Variants in TTC29 observed in about 807,000 individuals in gnomAD.
TTC29 encodes the protein tetratricopeptide repeat domain 29, also known as tetratricopeptide repeat protein 29.
TTC29 carries 49 observed loss-of-function variants against 58.1 expected under a neutral mutation model. The ratio of observed to expected loss-of-function variants is 0.84; its 90% CI spans 0.67 to 1.07. The LOEUF (loss-of-function observed/expected upper bound fraction) is 1.07. Ranked by LOEUF, TTC29 falls within the 50% of genes least tolerant of loss-of-function variation. The pLI is 0.00. For synonymous variants in TTC29, 209 were observed against 196.8 expected (o/e 1.06, Z -0.52); for missense variants, 582 against 555.6 (o/e 1.05, Z -0.48).
chr4:146,880,732 A>G (rs543758174), intron 6 of TTC29, among the ~76,000 whole-genome samples: 2 of 152,236 alleles, frequency 1.3e-5, no homozygotes, highest in African/African-American at 4.8e-5. Context: ...TGAAGCTGCC[A>G]TAAAGGCAGG....
intron 11 of TTC29, among the ~76,000 whole-genome samples, chr4:146,768,062 G>A (rs1269896501): frequency 2.0e-5 from 3 of 151,910 alleles, no homozygotes; most frequent in African/African-American, 4.8e-5. Flanking sequence ...ATCAATAGTT[G>A]TGCAGGGAAT....
intron 11 of TTC29, among the ~76,000 whole-genome samples, chr4:146,719,764 G>A (rs1201885961): frequency 3.3e-5 from 5 of 152,050 alleles, no homozygotes; most frequent in African/African-American, 1.2e-4. Context: ...TTTCCATCAT[G>A]TAAGTTGTTG....
At chr4:146,815,532 T>C (rs2150133864) in intron 10 of TTC29, among the ~76,000 whole-genome samples, 1 of 152,214 alleles carries the variant, frequency 6.6e-6, no homozygotes, top group South Asian at 2.1e-4. Context: ...GGATTGGAGA[T>C]ACAAATCTGG....
chr4:146,882,830 C>T (rs528783921), intron 6 of TTC29, among the ~76,000 whole-genome samples: 12 of 151,966 alleles, frequency 7.9e-5, no homozygotes, highest in African/African-American at 1.2e-4. Context: ...TTGGATATTA[C>T]GACAAAACCC....
chr4:146,857,043 A>G (rs1291512091), intron 8 of TTC29, among the ~76,000 whole-genome samples: 1 of 150,108 alleles, frequency 6.7e-6, no homozygotes. Flanking sequence ...AAATAAGATC[A>G]GATATGGAAT....
In TTC29 at chr4:146,903,428, T is replaced by C. The variant is rs1331343179; in HGVS notation, c.586+116A>G. On this transcript the variant is annotated intron_variant, in intron 6 of 12. Coordinates refer to ENST00000325106, the MANE Select transcript of TTC29 (RefSeq NM_031956.4). Reference sequence around the variant, plus strand: ...GTTTTGCTTTTTGATCTCAATAATATACATGATTATGCTGAAATCTCAGGT... The same window carrying C: ...GTTTTGCTTTTTGATCTCAATAATACACATGATTATGCTGAAATCTCAGGT... 4.3e-6 allele frequency: 4 copies of C among 932,424 alleles called. No homozygotes were observed. The Admixed American group carries it at 1.3e-4, about 29-fold the overall frequency. 57.8% of individuals were successfully genotyped at this position (932,424 alleles called of 1,614,324 possible).
chr4:146,766,796 C>T (rs1354286836), intron 11 of TTC29, among the ~76,000 whole-genome samples: 4 of 151,824 alleles, frequency 2.6e-5, no homozygotes, highest in Non-Finnish European at 5.9e-5. Flanking sequence ...AAATGCAGCC[C>T]CTAGGTAGGT....
chr4:146,724,358 C>G (rs1395033233), intron 11 of TTC29, among the ~76,000 whole-genome samples: 1 of 151,846 alleles, frequency 6.6e-6, no homozygotes, highest in South Asian at 2.1e-4. Flanking sequence ...TGCATGTGTA[C>G]CCCCCAAATC....
intron 4 of TTC29, among the ~76,000 whole-genome samples, chr4:146,920,216 T>A (rs1734490284): frequency 6.6e-6 from 1 of 151,114 alleles, no homozygotes; most frequent in African/African-American, 2.4e-5. Context: ...AGAACTTTTT[T>A]AACCTTTTCA....
chr4:146,795,457 A>T (rs1030649467), intron 11 of TTC29, among the ~76,000 whole-genome samples: 1 of 152,168 alleles, frequency 6.6e-6, no homozygotes, highest in Non-Finnish European at 1.5e-5. Flanking sequence ...GGGATAAGGC[A>T]TTGGAAATAA....
At chr4:146,738,092 G>A (rs1179749701) in intron 11 of TTC29, among the ~76,000 whole-genome samples, 2 of 152,210 alleles carry the variant, frequency 1.3e-5, no homozygotes, top group Non-Finnish European at 2.9e-5. Context: ...GTCTATGAAT[G>A]GAAATGGACT....
chr4:146,904,602 A>G (rs1216116652), intron 5 of TTC29, among the ~76,000 whole-genome samples: 7 of 152,218 alleles, frequency 4.6e-5, no homozygotes, highest in Non-Finnish European at 1.0e-4. Context: ...GAACAAATTC[A>G]TAATATTTAT....
intron 11 of TTC29, among the ~76,000 whole-genome samples, chr4:146,732,627 G>T (rs1472424763): frequency 6.6e-6 from 1 of 152,140 alleles, no homozygotes; most frequent in East Asian, 1.9e-4. Flanking sequence ...TGGAAGACAA[G>T]ACCATTGAAG....
chr4:146,707,654 C>CTTATAGGTGATAAGG, intron 11 of TTC29, 103 bp from the exon 12 acceptor site: 1 of 777,486 alleles, frequency 1.3e-6, no homozygotes, highest in Non-Finnish European at 2.1e-6. Flanking sequence ...CTGTCCTTAT[C>CTTATAGGTGATAAGG]ACCTATAAGA....
intron 5 of TTC29, among the ~76,000 whole-genome samples, chr4:146,905,483 A>T (rs1044397158): frequency 6.6e-6 from 1 of 151,588 alleles, no homozygotes; most frequent in Non-Finnish European, 1.5e-5. Context: ...TTTAAAGACT[A>T]CTTGTCAGCT....
chr4:146,873,441 T>G (rs1251823917), intron 7 of TTC29, among the ~76,000 whole-genome samples: 1 of 152,200 alleles, frequency 6.6e-6, no homozygotes, highest in Non-Finnish European at 1.5e-5. Context: ...AAGAGAGAGA[T>G]ATTTTTTGAA....
intron 11 of TTC29, among the ~76,000 whole-genome samples, chr4:146,801,623 A>G (rs1446572539): frequency 6.6e-6 from 1 of 152,096 alleles, no homozygotes; most frequent in South Asian, 2.1e-4. Flanking sequence ...AAATGACCTT[A>G]CAAAAACATG....
rs565963084 is a variant in TTC29, at chr4:146,888,335, G to A, written c.587-13407C>T. ...AGAATGAGATATGATGAAGAGAGAC[G>A]CTAAAGGAAGGTAAAGAGCAGACCA... On this transcript the variant is annotated intron_variant, in intron 6 of 12. Transcript: ENST00000325106. Among the ~76,000 whole-genome samples, 102 of 152,088 alleles carry A rather than the reference G, an allele frequency of 6.7e-4. 1 individual carries two copies. The highest frequency in any genetic ancestry group is 2.1e-4 in the South Asian group (1 of 4,818).
chr4:146,855,825 A>G (rs1729808789), intron 8 of TTC29, among the ~76,000 whole-genome samples: 1 of 152,138 alleles, frequency 6.6e-6, no homozygotes, highest in Non-Finnish European at 1.5e-5. Context: ...ATTATACATA[A>G]TTTGGCTAAA....
Sources: gnomAD v4.1 joint callset for allele counts (sites outside exome capture counted in the v4.1 genomes callset) on GRCh38, gnomAD v4.1.1 for gene constraint, MANE v1.5 for transcripts, NCBI Gene and HGNC (gene_info 2026-07-23, HGNC 2026-07-21) for gene names.